The following NT5DC3 variants were observed in gnomAD, a reference collection of about 807,000 sequenced individuals.
The protein encoded by NT5DC3 is 5'-nucleotidase domain-containing protein 3.
In NT5DC3, 42 loss-of-function variants were observed where a neutral mutation model predicts 67.8. The ratio of observed to expected loss-of-function variants is 0.62; its 90% CI spans 0.48 to 0.80. The LOEUF (loss-of-function observed/expected upper bound fraction) is 0.80. NT5DC3 is among the 30% of genes least tolerant of loss of function. NT5DC3 has a pLI of 0.00. For missense variants in NT5DC3, 570 were observed against 696.4 expected, an observed-to-expected ratio of 0.82 and a Z score of 2.04; for synonymous variants, 237 against 255.6, an observed-to-expected ratio of 0.93 and a Z score of 0.69.
At chr12:103,762,068 T>C in the NT5DC3 span, among the ~76,000 whole-genome samples, 1 of 152,208 alleles carries the variant, frequency 6.6e-6, no homozygotes, top group Non-Finnish European at 1.5e-5. Context: ...ATAATAACTC[T>C]CCCTATCTCT....
At chr12:103,772,107 A>T (rs1885198981), downstream of NT5DC3, among the ~76,000 whole-genome samples, 1 of 152,300 alleles carries the variant, frequency 6.6e-6, no homozygotes, top group African/African-American at 2.4e-5. Context: ...TCCCCAAAAA[A>T]GGTTATCCCT....
At chr12:103,821,245 T>C (rs774059177) in intron 1 of NT5DC3, among the ~76,000 whole-genome samples, 2 of 152,240 alleles carry the variant, frequency 1.3e-5, no homozygotes, top group South Asian at 2.1e-4. Context: ...TAGCTGTCTG[T>C]AATAAGCCAC....
In NT5DC3 at chr12:103,840,999, A is replaced by C. The variant is rs945723225; in HGVS notation, c.158T>G (p.Met53Arg). The change falls in exon 1 of 14, where the codon ATG (methionine) becomes AGG (arginine). Residue 53 changes from methionine (M) to arginine (R), a missense_variant. Around this residue, in one of 2 missense-constraint regions of NT5DC3, gnomAD observed 104 missense variants for 88.4 expected, o/e 1.18. Transcript: ENST00000392876. ...LCTAPGTAPD[M>R]KRYLWERYRE... Reference sequence around the variant, plus strand: ...GTAGCGCTCCCACAGGTAGCGCTTCATGTCCGGGGCGGTCCCGGGTGCAGT... The same window carrying C: ...GTAGCGCTCCCACAGGTAGCGCTTCCTGTCCGGGGCGGTCCCGGGTGCAGT... 7 of 1,314,558 alleles carry C rather than the reference A, an allele frequency of 5.3e-6. No individual in the cohort carries two copies. Among genetic ancestry groups the C allele is most frequent in the African/African-American group, 1.5e-5 (1 of 64,856 alleles). 81.4% of individuals were successfully genotyped at this position (1,314,558 alleles called of 1,614,324 possible).
At chr12:103,778,168 TTTA>T (rs748507142) in intron 13 of NT5DC3, 87 bp from the exon 14 acceptor site, 1 of 1,263,414 alleles carries the variant, frequency 7.9e-7, no homozygotes, top group Non-Finnish European at 1.0e-6. Flanking sequence ...CACTTCTTTT[TTTA>T]AAAAAAAAAA....
In NT5DC3 at chr12:103,819,759, G is replaced by A. The variant is rs149062376; in HGVS notation, c.209-4638C>T. 2.0e-5 allele frequency: 3 copies of A among 152,298 alleles called. No homozygotes were observed. The East Asian group carries it at 5.8e-4, about 29-fold the overall frequency. 9.4% of individuals were successfully genotyped at this position (152,298 alleles called of 1,614,324 possible). The stretch of plus-strand genomic sequence containing the variant: ...CTTTCTGTTTTGGTTCTGGTTTTTT[G>A]TGTTTTTTATTGTGGCAAAATATAC... On this transcript the variant is annotated intron_variant, in intron 1 of 13. Transcript: ENST00000392876.
intron 1 of NT5DC3, among the ~76,000 whole-genome samples, chr12:103,837,745 T>C (rs1007423523): frequency 1.3e-5 from 2 of 152,236 alleles, no homozygotes; most frequent in Admixed American, 1.3e-4. Flanking sequence ...GACCTTATTG[T>C]TCATATCACT....
intron 9 of NT5DC3, among the ~76,000 whole-genome samples, chr12:103,790,198 G>A (rs1017889648): frequency 1.3e-5 from 2 of 152,100 alleles, no homozygotes; most frequent in Non-Finnish European, 2.9e-5. Flanking sequence ...TTGACCTCCT[G>A]GGTTCAGGTG....
At chr12:103,767,818 C>T (rs1471771660), downstream of NT5DC3, among the ~76,000 whole-genome samples, 3 of 151,940 alleles carry the variant, frequency 2.0e-5, no homozygotes, top group African/African-American at 4.8e-5. Flanking sequence ...CATGGTGGCT[C>T]ATGCCTGTAA....
chr12:103,790,403 GT>G (rs1337537625), intron 9 of NT5DC3, among the ~76,000 whole-genome samples: 2 of 151,970 alleles, frequency 1.3e-5, no homozygotes, highest in Non-Finnish European at 2.9e-5. Context: ...AGCCTACTGA[GT>G]AGCTGGGATT....
rs1035583877 is a variant in NT5DC3, at chr12:103,813,111, T to C, written c.393+1826A>G. ...TGAACACTGCCACTGGGATCATGGC[T>C]TGCTTTTTATAAATGACATCAAAGT... On this transcript the variant is annotated intron_variant, in intron 2 of 13. Coordinates refer to ENST00000392876, the MANE Select transcript of NT5DC3 (RefSeq NM_001031701.3). 2.0e-5 allele frequency among the ~76,000 whole-genome samples: 3 copies of C among 152,226 alleles called. No homozygotes were observed. In the East Asian group the frequency reaches 5.8e-4, roughly 29 times the overall value.
At chr12:103,753,405 G>A in the NT5DC3 span, 3 of 1,611,586 alleles carry the variant, frequency 1.9e-6, no homozygotes. Flanking sequence ...AGGGGCGGAA[G>A]TGCAGCCCTT....
intron 4 of NT5DC3, among the ~76,000 whole-genome samples, chr12:103,803,317 G>A (rs1886661294): frequency 6.6e-6 from 1 of 152,150 alleles, no homozygotes; most frequent in Non-Finnish European, 1.5e-5. Flanking sequence ...GTTGGGAATG[G>A]TACAATCTGG....
At position 103,838,081 on chromosome 12, in the gene NT5DC3, C is replaced by T. The variant is rs186336855; in HGVS notation, c.208+2868G>A. Among the ~76,000 whole-genome samples, 767 of 152,316 alleles carry T rather than the reference C, an allele frequency of 5.0e-3. 3 individuals are homozygous for T. The highest frequency in any genetic ancestry group is 9.5e-3 in the Non-Finnish European group (645 of 68,028). ...GTGAAAAGCACTTCTTACATGGCGG[C>T]AGCAAGAGAATAATGAGGAAGAAGC... On this transcript the variant is annotated intron_variant, in intron 1 of 13. Coordinates refer to ENST00000392876, the MANE Select transcript of NT5DC3 (RefSeq NM_001031701.3).
chr12:103,835,281 A>G (rs1482105956), intron 1 of NT5DC3, among the ~76,000 whole-genome samples: 1 of 152,214 alleles, frequency 6.6e-6, no homozygotes, highest in Non-Finnish European at 1.5e-5. Flanking sequence ...GGAATGGTGC[A>G]GTTCTGGACA....
chr12:103,759,296 T>TG, the NT5DC3 span: 12 of 1,610,586 alleles, frequency 7.5e-6, no homozygotes, highest in East Asian at 1.6e-4. Context: ...CTGGGCTTCT[T>TG]GGGGGAACGG....
At chr12:103,759,393 T>A in the NT5DC3 span, 1 of 1,379,448 alleles carries the variant, frequency 7.2e-7, no homozygotes, top group African/African-American at 1.5e-5. Flanking sequence ...AACCTGCAGA[T>A]AGGGGACGGT....
At chr12:103,831,830 C>A (rs1243648008) in intron 1 of NT5DC3, among the ~76,000 whole-genome samples, 1 of 141,678 alleles carries the variant, frequency 7.1e-6, no homozygotes. Context: ...GGCTGGAGTA[C>A]AGCGGTGTGA....
intron 4 of NT5DC3, among the ~76,000 whole-genome samples, chr12:103,799,248 C>T (rs1886454795): frequency 6.6e-6 from 1 of 152,198 alleles, no homozygotes; most frequent in African/African-American, 2.4e-5. Flanking sequence ...CTCCAATACT[C>T]TAGCCTGAGA....
At chr12:103,747,364 G>T in the NT5DC3 span, among the ~76,000 whole-genome samples, 2 of 152,186 alleles carry the variant, frequency 1.3e-5, no homozygotes, top group Non-Finnish European at 2.9e-5. Context: ...CAGGTTGGAA[G>T]TATTCAGGGC....
Sources: allele counts gnomAD v4.1 joint callset (sites outside exome capture counted in the v4.1 genomes callset), GRCh38; gene constraint gnomAD v4.1.1; regional missense constraint gnomAD v4.1.1; transcripts MANE v1.5; gene names NCBI Gene and HGNC (gene_info 2026-07-23, HGNC 2026-07-21).